Variants in CAMK1D observed in about 807,000 individuals in gnomAD.
The protein encoded by CAMK1D is calcium/calmodulin dependent protein kinase ID.
A neutral mutation model predicts 47.7 loss-of-function variants in CAMK1D; 9 were observed. That is an observed-to-expected ratio of 0.19 (90% CI 0.11 to 0.33). CAMK1D has a LOEUF of 0.33. Ranked by LOEUF, CAMK1D falls within the 10% of genes least tolerant of loss-of-function variation. CAMK1D has a pLI of 1.00. For synonymous variants in CAMK1D, 184 were observed against 184.9 expected (o/e 0.99, Z 0.04); for missense variants, 291 against 488.7 (o/e 0.60, Z 3.81).
chr10:12,415,637 G>A (rs1839820215), intron 1 of CAMK1D, among the ~76,000 whole-genome samples: 1 of 151,046 alleles, frequency 6.6e-6, no homozygotes, highest in Non-Finnish European at 1.5e-5. Flanking sequence ...TTTCTTCCAT[G>A]TTACATGTTC....
At chr10:12,797,178 A>G (rs1400880599) in intron 6 of CAMK1D, among the ~76,000 whole-genome samples, 2 of 149,120 alleles carry the variant, frequency 1.3e-5, no homozygotes, top group African/African-American at 4.9e-5. Context: ...TTGGCTGGGT[A>G]GCACAGCTGA....
chr10:12,468,808 CAGA>C (rs1159286023), intron 1 of CAMK1D, among the ~76,000 whole-genome samples: 1 of 152,166 alleles, frequency 6.6e-6, no homozygotes, highest in Non-Finnish European at 1.5e-5. Context: ...CTAGAATTTC[CAGA>C]AGGTTTGAGA....
At position 12,362,620 on chromosome 10, in the gene CAMK1D, C is replaced by T. The variant is rs560278008; in HGVS notation, c.92+12710C>T. On this transcript the variant is annotated intron_variant, in intron 1 of 10. Coordinates refer to ENST00000619168, the MANE Select transcript of CAMK1D (RefSeq NM_153498.4). ...TCCCGCCATTCTCCTGCCTCAGCCT[C>T]CCGAGTAGCTGGGACTACAGGCGCC... Among the ~76,000 whole-genome samples, 12 of 152,116 alleles carry T rather than the reference C, an allele frequency of 7.9e-5. No individual in the cohort carries two copies. The East Asian group carries it at 9.7e-4, about 12-fold the overall frequency.
At chr10:12,762,061 A>T (rs987566783) in intron 4 of CAMK1D, among the ~76,000 whole-genome samples, 10 of 152,228 alleles carry the variant, frequency 6.6e-5, no homozygotes, top group African/African-American at 2.4e-4. Flanking sequence ...TGTCAAACAC[A>T]ATAGTACTGA....
chr10:12,513,465 T>C (rs540650181), intron 1 of CAMK1D, among the ~76,000 whole-genome samples: 5 of 152,094 alleles, frequency 3.3e-5, no homozygotes, highest in Non-Finnish European at 5.9e-5. Flanking sequence ...GTGAGCTTCT[T>C]GAGGGCAGAG....
At chr10:12,821,543 A>G (rs1833011172) in intron 8 of CAMK1D, among the ~76,000 whole-genome samples, 3 of 152,232 alleles carry the variant, frequency 2.0e-5, no homozygotes, top group African/African-American at 2.4e-5. Flanking sequence ...CCAGGAAGGT[A>G]GAAGAGACCA....
intron 8 of CAMK1D, among the ~76,000 whole-genome samples, chr10:12,820,969 C>T (rs939930836): frequency 3.3e-5 from 5 of 152,218 alleles, no homozygotes; most frequent in Admixed American, 1.3e-4. Flanking sequence ...CATCTCTAGG[C>T]TCATTGATAA....
rs757437345 is a variant in CAMK1D at position 12,761,041 on chromosome 10, C to T, written c.393C>T (p.Ala131=). Residue 131 remains alanine (A), a synonymous_variant, in exon 4 of 11, where the codon GCC becomes GCT. Transcript: ENST00000619168. The part of the protein sequence containing the change: ...ASTLIRQVLD[A]VYYLHRMGIV... ...CTCTGATCCGCCAAGTCTTGGACGCCGTGTACTATCTCCACAGAATGGGCA... is the reference window on the plus strand; with the variant it reads ...CTCTGATCCGCCAAGTCTTGGACGCTGTGTACTATCTCCACAGAATGGGCA... 3.7e-6 allele frequency: 6 copies of T among 1,614,122 alleles called. No individual in the cohort carries two copies. The highest frequency in any genetic ancestry group is 3.3e-5 in the Admixed American group (2 of 60,016).
chr10:12,708,510 A>G (rs1389485907), intron 3 of CAMK1D, among the ~76,000 whole-genome samples: 1 of 152,202 alleles, frequency 6.6e-6, no homozygotes, highest in Non-Finnish European at 1.5e-5. Flanking sequence ...GATCACGTAA[A>G]CACAATTTAT....
intron 1 of CAMK1D, among the ~76,000 whole-genome samples, chr10:12,380,076 G>GT (rs942650824): frequency 1.4e-4 from 21 of 151,708 alleles, no homozygotes; most frequent in Non-Finnish European, 2.5e-4. Flanking sequence ...TTAGCCGGGC[G>GT]TGGTGGCGGG....
intron 5 of CAMK1D, among the ~76,000 whole-genome samples, chr10:12,772,028 T>C (rs1201810560): frequency 6.9e-5 from 8 of 115,314 alleles, no homozygotes; most frequent in Non-Finnish European, 1.3e-4. Context: ...AGCGAGATGC[T>C]ATCTCAGGAA....
chr10:12,468,310 C>A (rs1299310829), intron 1 of CAMK1D, among the ~76,000 whole-genome samples: 1 of 152,204 alleles, frequency 6.6e-6, no homozygotes, highest in Non-Finnish European at 1.5e-5. Context: ...AATCTGCGTG[C>A]CTTACCTTCC....
At chr10:12,431,396 A>G (rs1243550939) in intron 1 of CAMK1D, among the ~76,000 whole-genome samples, 1 of 152,114 alleles carries the variant, frequency 6.6e-6, no homozygotes, top group Non-Finnish European at 1.5e-5. Flanking sequence ...GGTCTGGGTG[A>G]GCTGGAGGCT....
chr10:12,697,570 TG>T (rs1241572181), intron 3 of CAMK1D, among the ~76,000 whole-genome samples: 1 of 152,186 alleles, frequency 6.6e-6, no homozygotes, highest in Non-Finnish European at 1.5e-5. Flanking sequence ...GGCTAATTTT[TG>T]GATCTTTAGT....
intron 2 of CAMK1D, among the ~76,000 whole-genome samples, chr10:12,568,977 T>C (rs2132309308): frequency 6.6e-6 from 1 of 152,342 alleles, no homozygotes; most frequent in Admixed American, 6.5e-5. Context: ...GAAAGTTTTT[T>C]TTTCTTTGTA....
intron 2 of CAMK1D, among the ~76,000 whole-genome samples, chr10:12,615,566 CGT>C (rs773772886): frequency 4.7e-4 from 16 of 33,932 alleles, no homozygotes; most frequent in Admixed American, 2.2e-3. Context: ...GTGTGTATAT[CGT>C]GTGTGTGCGT....
chr10:12,609,768 C>T (rs1838568817), intron 2 of CAMK1D, among the ~76,000 whole-genome samples: 1 of 152,124 alleles, frequency 6.6e-6, no homozygotes, highest in Non-Finnish European at 1.5e-5. Context: ...CAGACTGGTA[C>T]CAGTGCATGG....
intron 9 of CAMK1D, among the ~76,000 whole-genome samples, chr10:12,825,116 A>G (rs1833149502): frequency 3.7e-3 from 1 of 270 alleles, no homozygotes; most frequent in South Asian, 0.036. Context: ...TTCATAGGAC[A>G]TGCTATCATT....
chr10:12,550,493 G>A (rs938274570), intron 1 of CAMK1D, among the ~76,000 whole-genome samples: 30 of 152,174 alleles, frequency 2.0e-4, no homozygotes, highest in African/African-American at 6.8e-4. Flanking sequence ...GGGATGGTGC[G>A]TGGGCTCAGG....
Sources: gnomAD v4.1 joint callset for allele counts (sites outside exome capture counted in the v4.1 genomes callset) on GRCh38, gnomAD v4.1.1 for gene constraint, MANE v1.5 for transcripts, NCBI Gene and HGNC (gene_info 2026-07-23, HGNC 2026-07-21) for gene names.